Variants in DLG2 observed in about 807,000 individuals in gnomAD.
The protein encoded by DLG2 is disks large homolog 2.
DLG2 carries 45 observed loss-of-function variants against 132.5 expected under a neutral mutation model. The ratio of observed to expected loss-of-function variants is 0.34; its 90% CI spans 0.27 to 0.44. DLG2 has a LOEUF of 0.44. Ranked by LOEUF, DLG2 falls within the 20% of genes least tolerant of loss-of-function variation. DLG2 has a pLI of 1.00. For missense variants in DLG2, 1,045 were observed against 1,196.9 expected, an observed-to-expected ratio of 0.87 and a Z score of 1.87; for synonymous variants, 424 against 419.6, an observed-to-expected ratio of 1.01 and a Z score of -0.13.
intron 7 of DLG2, among the ~76,000 whole-genome samples, chr11:84,358,955 A>G (rs909782012): frequency 5.3e-5 from 8 of 151,852 alleles, no homozygotes; most frequent in Non-Finnish European, 1.0e-4. Flanking sequence ...TTTCTCTTAC[A>G]TTGTTCTTTA....
chr11:85,061,192 T>C (rs1476228826), intron 6 of DLG2, among the ~76,000 whole-genome samples: 1 of 151,852 alleles, frequency 6.6e-6, no homozygotes, highest in Non-Finnish European at 1.5e-5. Flanking sequence ...TTTCACTCTG[T>C]TGTTTCCTTT....
intron 7 of DLG2, among the ~76,000 whole-genome samples, chr11:84,445,649 G>A (rs1033294243): frequency 6.6e-6 from 1 of 151,978 alleles, no homozygotes; most frequent in Admixed American, 6.6e-5. Context: ...GGGCGCGGTG[G>A]CTCACGCCTG....
At chr11:83,845,714 G>A (rs537645707) in intron 16 of DLG2, among the ~76,000 whole-genome samples, 1 of 152,282 alleles carries the variant, frequency 6.6e-6, no homozygotes, top group South Asian at 2.1e-4. Context: ...CCCTACTAGA[G>A]GGGGATGGTA....
chr11:84,386,061 A>ACAT (rs1333489656), intron 7 of DLG2, among the ~76,000 whole-genome samples: 1 of 152,056 alleles, frequency 6.6e-6, no homozygotes, highest in Non-Finnish European at 1.5e-5. Context: ...GGGATTTTTT[A>ACAT]CATCTATTTT....
intron 11 of DLG2, among the ~76,000 whole-genome samples, chr11:84,026,677 A>G (rs2095543825): frequency 6.6e-6 from 1 of 152,158 alleles, no homozygotes; most frequent in Admixed American, 6.6e-5. Context: ...TGAATAAATG[A>G]ACACACTTAA....
intron 18 of DLG2, among the ~76,000 whole-genome samples, chr11:83,783,019 A>G (rs1027264869): frequency 6.6e-6 from 1 of 152,236 alleles, no homozygotes; most frequent in Non-Finnish European, 1.5e-5. Context: ...ATTGAAGTAC[A>G]ATGTATGTAA....
At chr11:83,977,138 T>C (rs2092334068) in intron 12 of DLG2, among the ~76,000 whole-genome samples, 1 of 152,010 alleles carries the variant, frequency 6.6e-6, no homozygotes, top group Admixed American at 6.6e-5. Flanking sequence ...TGTTACTGGA[T>C]ACCAAAGAAA....
intron 4 of DLG2, among the ~76,000 whole-genome samples, chr11:85,178,768 T>C (rs760210721): frequency 6.6e-6 from 1 of 151,808 alleles, no homozygotes; most frequent in Non-Finnish European, 1.5e-5. Context: ...ACTAAACATA[T>C]GCAGAAAAAT....
At chr11:83,819,385 G>A (rs772109906) in intron 17 of DLG2, among the ~76,000 whole-genome samples, 1 of 140,656 alleles carries the variant, frequency 7.1e-6, no homozygotes, top group African/African-American at 2.7e-5. Context: ...CAGGAGAATT[G>A]CTTGGACCTG....
intron 6 of DLG2, among the ~76,000 whole-genome samples, chr11:84,964,304 C>T (rs2053023218): frequency 6.6e-6 from 1 of 152,032 alleles, no homozygotes; most frequent in Non-Finnish European, 1.5e-5. Context: ...ATATCTGATC[C>T]TTGGCATTTT....
chr11:84,031,132 T>C (rs2095678342), intron 11 of DLG2, among the ~76,000 whole-genome samples: 1 of 151,412 alleles, frequency 6.6e-6, no homozygotes. Context: ...TATACATCTA[T>C]CACCAGAAGG....
intron 6 of DLG2, among the ~76,000 whole-genome samples, chr11:84,540,448 A>G (rs2099365719): frequency 6.6e-6 from 1 of 152,212 alleles, no homozygotes; most frequent in African/African-American, 2.4e-5. Context: ...AAAAATGCTC[A>G]TCATCACTGG....
chr11:85,165,475 C>T (rs2078371939), intron 4 of DLG2, among the ~76,000 whole-genome samples: 1 of 152,106 alleles, frequency 6.6e-6, no homozygotes, highest in Non-Finnish European at 1.5e-5. Flanking sequence ...CCCCATGGCC[C>T]CATCTAAGTA....
chr11:84,597,357 T>G (rs2099564009), intron 6 of DLG2, among the ~76,000 whole-genome samples: 1 of 152,232 alleles, frequency 6.6e-6, no homozygotes, highest in Non-Finnish European at 1.5e-5. Flanking sequence ...TTCTCCTCCT[T>G]ATGACCACTA....
At chr11:84,396,545 A>G (rs2098811707) in intron 7 of DLG2, among the ~76,000 whole-genome samples, 1 of 152,216 alleles carries the variant, frequency 6.6e-6, no homozygotes, top group Non-Finnish European at 1.5e-5. Context: ...CTCAAGCCTC[A>G]ATCTTTTAGA....
chr11:84,614,371 A>G (rs1041296011), intron 6 of DLG2, among the ~76,000 whole-genome samples: 1 of 152,118 alleles, frequency 6.6e-6, no homozygotes, highest in African/African-American at 2.4e-5. Context: ...GTGTGGGCAA[A>G]AGAAGACATG....
At chr11:84,516,567 A>G (rs1023940695) in intron 7 of DLG2, among the ~76,000 whole-genome samples, 14 of 151,604 alleles carry the variant, frequency 9.2e-5, no homozygotes, top group Non-Finnish European at 7.4e-5. Context: ...TTGAATCAGT[A>G]TAAAGTCTTC....
chr11:84,263,156 T>C (rs1252324325), intron 7 of DLG2, among the ~76,000 whole-genome samples: 1 of 152,158 alleles, frequency 6.6e-6, no homozygotes, highest in Non-Finnish European at 1.5e-5. Flanking sequence ...GGGAAATGGC[T>C]TCTGAAAGTC....
At position 84,002,321 on chromosome 11, in the gene DLG2, T is replaced by A. The variant is rs138300120; in HGVS notation, c.920-21679A>T. On this transcript the variant is annotated intron_variant, in intron 11 of 27. Transcript: ENST00000376104. ...CCTAGGGTCTGGAGGATGGGGGCCC[T>A]CTTCTTACAGCTCAACTAGGTAGTA... Among the ~76,000 whole-genome samples, 11 of 152,246 alleles carry A rather than the reference T, an allele frequency of 7.2e-5. No individual in the cohort carries two copies. The East Asian group carries it at 2.1e-3, about 30-fold the overall frequency.
Sources: allele counts gnomAD v4.1 joint callset (sites outside exome capture counted in the v4.1 genomes callset), GRCh38; gene constraint gnomAD v4.1.1; transcripts MANE v1.5; gene names NCBI Gene and HGNC (gene_info 2026-07-23, HGNC 2026-07-21).